The following FLNC variants were observed in gnomAD, a reference collection of about 807,000 sequenced individuals.
FLNC encodes filamin-C.
A neutral mutation model predicts 254.3 loss-of-function variants in FLNC; 91 were observed. The ratio of observed to expected loss-of-function variants is 0.36; its 90% CI spans 0.30 to 0.43. The LOEUF is 0.43. Among genes scored for constraint, FLNC ranks in the 20% least tolerant of loss-of-function variants. FLNC has a pLI of 1.00. For synonymous variants in FLNC, 1,430 were observed against 1,577.2 expected (o/e 0.91, Z 2.21); for missense variants, 2,853 against 3,802.6 (o/e 0.75, Z 6.57).
chr7:128,854,289 T>C, intron 40 of FLNC, 73 bp downstream of exon 40: 1 of 1,605,526 alleles, frequency 6.2e-7, no homozygotes, highest in Non-Finnish European at 8.5e-7. Context: ...GGCTTGATGC[T>C]GGCAGACTGG....
chr7:128,843,080 G>A, intron 16 of FLNC, 126 bp downstream of exon 16: 12 of 1,408,860 alleles, frequency 8.5e-6, no homozygotes, highest in Non-Finnish European at 1.2e-5. Context: ...CCTGTGTGAG[G>A]CAGGGTGCCT....
rs141199483 is a variant in FLNC, at chr7:128,844,941, G to A, written c.3476G>A (p.Arg1159Gln). Residue 1159 changes from arginine to glutamine, a missense_variant, in exon 21 of 48, where the codon CGG (arginine) becomes CAG (glutamine). Arg to Gln is a conservative substitution (Grantham distance 43, BLOSUM62 1). This residue lies in a region of FLNC where 1,573 missense variants were observed against 1,883.5 expected (regional missense o/e 0.84). Coordinates refer to ENST00000325888, the MANE Select transcript of FLNC (RefSeq NM_001458.5). ...IRPVFDPSKV[R>Q]ASGPGLERGK... ...CCTGTGTTTGACCCGAGCAAGGTGCGGGCCAGTGGACCGGGCCTGGAGCGC... is the reference window on the plus strand; with the variant it reads ...CCTGTGTTTGACCCGAGCAAGGTGCAGGCCAGTGGACCGGGCCTGGAGCGC... 74 of 1,613,866 alleles carry A rather than the reference G, an allele frequency of 4.6e-5. No individual in the cohort carries two copies. The highest frequency in any genetic ancestry group is 5.8e-5 in the Non-Finnish European group (68 of 1,180,034).
chr7:128,842,672 C>T lies in FLNC; in HGVS notation c.2363C>T (p.Thr788Met), dbSNP rs1010774264. ...GLKANEPTYF[T>M]VDCSEAGQGD... Reference sequence around the variant, plus strand: ...AAGGCCAATGAGCCCACCTACTTCACGGTGGACTGCAGCGAGGCGGGGCAA... The same window carrying T: ...AAGGCCAATGAGCCCACCTACTTCATGGTGGACTGCAGCGAGGCGGGGCAA... Residue 788 changes from threonine to methionine, a missense_variant, in exon 15 of 48, where the codon ACG becomes ATG. Thr to Met is a moderately conservative substitution (Grantham distance 81, BLOSUM62 -1). This residue lies in a region of FLNC where 1,573 missense variants were observed against 1,883.5 expected (regional missense o/e 0.84). Coordinates refer to ENST00000325888, the MANE Select transcript of FLNC (RefSeq NM_001458.5). The surrounding 1 kb of genome is among the most constrained non-coding windows in gnomAD (Gnocchi z 5.4). 1.4e-6 allele frequency: 2 copies of T among 1,451,358 alleles called. No individual in the cohort carries two copies. Among genetic ancestry groups the T allele is most frequent in the African/African-American group, 2.9e-5 (2 of 69,548 alleles). 89.9% of individuals were successfully genotyped at this position (1,451,358 alleles called of 1,614,324 possible).
At position 128,846,159 on chromosome 7, in the gene FLNC, G is replaced by A. The variant is rs200717144; in HGVS notation, c.3960G>A (p.Glu1320=). The A allele has an allele frequency of 1.4e-4, 224 of 1,613,978 alleles. No individual in the cohort carries two copies. The highest frequency in any genetic ancestry group is 8.3e-5 in the Admixed American group (5 of 59,998). ...ACCGAGTGCAGTACACCGCCTACGA[G>A]GAGGGTGAGGGCCGGTGGGCCAGGC... ...GTYRVQYTAY[E]EGVHLVEVLY... is the part of the protein sequence containing the mutation. The change falls in exon 22 of 48, where the codon GAG becomes GAA. Residue 1320 remains glutamate (E), a synonymous_variant. Transcript: ENST00000325888.
Position 128,840,691 on chromosome 7 carries a change from C to T in FLNC, c.1676+17C>T, listed in dbSNP as rs538523382. 1 of 1,614,162 alleles carries T rather than the reference C, an allele frequency of 6.2e-7. No homozygotes were observed. The highest frequency in any genetic ancestry group is 8.5e-7 in the Non-Finnish European group (1 of 1,180,028). The stretch of plus-strand genomic sequence containing the variant: ...CCCTCGCAGGTGAGTACCTTGCGCC[C>T]CCCATGCTGTCCTGTCTAGGCCATC... On this transcript the variant is annotated intron_variant, in intron 10 of 47. Transcript: ENST00000325888.
At position 128,852,906 on chromosome 7, in the gene FLNC, C is replaced by T; in HGVS notation, c.6083C>T (p.Pro2028Leu). Residue 2028 changes from proline (P) to leucine (L), a missense_variant, in exon 37 of 48, where the codon CCC becomes CTC. Physicochemically the swap from Pro to Leu is moderately conservative, Grantham distance 98 (BLOSUM62 -3). Coordinates refer to ENST00000325888, the MANE Select transcript of FLNC (RefSeq NM_001458.5). The part of the protein sequence containing the change: ...RKSGKHVTNS[P>L]FKILVGPSEI... ...AGTGGCAAGCATGTCACCAACAGCC[C>T]CTTCAAGATCCTGGTGGGGCCATCT... 6.2e-7 allele frequency: 1 copy of T among 1,613,672 alleles called. No individual in the cohort carries two copies. The highest frequency in any genetic ancestry group is 8.5e-7 in the Non-Finnish European group (1 of 1,180,016).
chr7:128,844,700 A>G lies in FLNC; in HGVS notation c.3235A>G (p.Thr1079Ala), dbSNP rs747053606. ...GGGTCTCAAGGGTGGACTGGTAGGCACCCCCGCGCCATTCTCCATCGACAC... is the reference window on the plus strand; with the variant it reads ...GGGTCTCAAGGGTGGACTGGTAGGCGCCCCCGCGCCATTCTCCATCGACAC... ...GPGLKGGLVG[T>A]PAPFSIDTKG... The change falls in exon 21 of 48, where the codon ACC becomes GCC. Residue 1079 changes from threonine (T) to alanine (A), a missense_variant. Coordinates refer to ENST00000325888, the MANE Select transcript of FLNC (RefSeq NM_001458.5). 4 of 1,613,160 alleles carry G rather than the reference A, an allele frequency of 2.5e-6. No homozygotes were observed. Among genetic ancestry groups the G allele is most frequent in the Non-Finnish European group, 3.4e-6 (4 of 1,179,958 alleles).
rs777992233 is a variant in FLNC at position 128,851,275 on chromosome 7, T to C, written c.5583T>C (p.His1861=). ...ATGTGGATGCCATCAACAGCCGCCA[T>C]GTCAGTGCCTATGGGCCAGGCCTGA... ...QFYVDAINSR[H]VSAYGPGLSH... Residue 1861 remains histidine (H), a synonymous_variant, in exon 34 of 48, where the codon CAT becomes CAC. Coordinates refer to ENST00000325888, the MANE Select transcript of FLNC (RefSeq NM_001458.5). 3 of 1,613,992 alleles carry C rather than the reference T, an allele frequency of 1.9e-6. No homozygotes were observed. The highest frequency in any genetic ancestry group is 3.3e-5 in the Admixed American group (2 of 60,010).
chr7:128,843,174 G>A (rs1808410564), intron 16 of FLNC, 55 bp from the exon 17 acceptor site: 1 of 1,502,334 alleles, frequency 6.7e-7, no homozygotes, highest in Non-Finnish European at 9.1e-7. Context: ...GCATCTAGCT[G>A]AGAGCAGGGG....
In FLNC at chr7:128,850,420, G is replaced by A; in HGVS notation, c.5335G>A (p.Glu1779Lys). The A allele has an allele frequency of 1.2e-6, 2 of 1,614,096 alleles. No individual in the cohort carries two copies. Among genetic ancestry groups the A allele is most frequent in the South Asian group, 2.2e-5 (2 of 91,078 alleles). ...EEPVVPVEPM[E>K]SMLRPFNLVI... Reference sequence around the variant, plus strand: ...GCCAGTGGTGCCTGTGGAGCCAATGGAGTCCATGCTGAGGCCCTTCAACCT... The same window carrying A: ...GCCAGTGGTGCCTGTGGAGCCAATGAAGTCCATGCTGAGGCCCTTCAACCT... Residue 1779 changes from glutamate to lysine, a missense_variant, in exon 32 of 48, where the codon GAG becomes AAG. Coordinates refer to ENST00000325888, the MANE Select transcript of FLNC (RefSeq NM_001458.5).
rs368602593 is a variant in FLNC, at chr7:128,837,552, T to C, written c.850+4T>C. The stretch of plus-strand genomic sequence containing the variant: ...AAAGCCATCGCCTATGGGCCTGGTA[T>C]GTGTGAGCCCCTGGCGGCCCTCCTG... On this transcript the variant is annotated splice_donor_region_variant and intron_variant, in intron 4 of 47. Coordinates refer to ENST00000325888, the MANE Select transcript of FLNC (RefSeq NM_001458.5). 3 of 1,613,980 alleles carry C rather than the reference T, an allele frequency of 1.9e-6. No homozygotes were observed. Among genetic ancestry groups the C allele is most frequent in the African/African-American group, 1.3e-5 (1 of 74,916 alleles).
At position 128,841,114 on chromosome 7, in the gene FLNC, G is replaced by A. The variant is rs1460330742; in HGVS notation, c.1814-56G>A. ...TGAGGGCAGCTAGAGGGGAGCTGGGGGACGGAAGGGTCTTGCCTGATGCTG... is the reference window on the plus strand; with the variant it reads ...TGAGGGCAGCTAGAGGGGAGCTGGGAGACGGAAGGGTCTTGCCTGATGCTG... On this transcript the variant is annotated intron_variant, in intron 11 of 47. Coordinates refer to ENST00000325888, the MANE Select transcript of FLNC (RefSeq NM_001458.5). This position sits in a 1 kb window ranked among gnomAD's most constrained non-coding sequence, Gnocchi z 4.3. 1.3e-5 allele frequency: 20 copies of A among 1,598,682 alleles called. No homozygotes were observed. The highest frequency in any genetic ancestry group is 1.5e-5 in the Non-Finnish European group (17 of 1,169,914).
Position 128,846,036 on chromosome 7 carries a change from C to T in FLNC, c.3837C>T (p.Ser1279=), listed in dbSNP as rs761100799. 1.4e-5 allele frequency: 22 copies of T among 1,613,824 alleles called. No individual in the cohort carries two copies. Among genetic ancestry groups the T allele is most frequent in the Non-Finnish European group, 1.8e-5 (21 of 1,180,020 alleles). Residue 1279 remains serine, a synonymous_variant, in exon 22 of 48, where the codon TCC becomes TCT. Transcript: ENST00000325888. ...CTGAGTTCACTGTGGATGCAAGATCCCTAACAGCCACAGGCGGCAACCACG... is the reference window on the plus strand; with the variant it reads ...CTGAGTTCACTGTGGATGCAAGATCTCTAACAGCCACAGGCGGCAACCACG... The part of the protein sequence containing the change: ...VTTEFTVDAR[S]LTATGGNHVT...
Position 128,841,072 on chromosome 7 carries a change from A to G in FLNC, c.1814-98A>G. ...GCGCATGCTGGGGAGCGCTGGGGTG[A>G]GCAGGGAGATAGGACATGAGGGCAG... is the stretch of plus-strand genomic sequence containing the variant. On this transcript the variant is annotated intron_variant, in intron 11 of 47. Transcript: ENST00000325888. This position sits in a 1 kb window ranked among gnomAD's most constrained non-coding sequence, Gnocchi z 4.3. The G allele has an allele frequency of 1.9e-6, 3 of 1,573,606 alleles. No individual in the cohort carries two copies. Among genetic ancestry groups the G allele is most frequent in the Non-Finnish European group, 2.6e-6 (3 of 1,150,278 alleles).
Position 128,857,936 on chromosome 7 carries a change from G to T in FLNC, c.7781-72G>T. The T allele has an allele frequency of 8.8e-7, 1 of 1,136,490 alleles. No individual in the cohort carries two copies. Among genetic ancestry groups the T allele is most frequent in the Non-Finnish European group, 1.3e-6 (1 of 779,634 alleles). The allele number at this position is 1,136,490 out of a possible 1,614,324, so 70.4% of individuals were successfully genotyped here. On this transcript the variant is annotated intron_variant, in intron 46 of 47. Transcript: ENST00000325888. This position sits in a 1 kb window ranked among gnomAD's most constrained non-coding sequence, Gnocchi z 4.5. ...GTCCCACAGGGTGGCAGTGCTGGCC[G>T]AGGGTCCCCTGCCTGGGGAAGAACA...
In FLNC at chr7:128,853,991, G is replaced by A. The variant is rs1249871639; in HGVS notation, c.6502G>A (p.Val2168Met). The A allele has an allele frequency of 1.2e-6, 2 of 1,613,210 alleles. No homozygotes were observed. The highest frequency in any genetic ancestry group is 1.7e-6 in the Non-Finnish European group (2 of 1,180,036). ...LKIPGNWFQMVSAQERLTRTF... is the reference protein window; with the variant it reads ...LKIPGNWFQMMSAQERLTRTF... ...CCACACAGGAAACTGGTTCCAGATG[G>A]TGTCTGCCCAGGAGCGCCTGACACG... is the stretch of plus-strand genomic sequence containing the variant. The change falls in exon 40 of 48, where the codon GTG (valine) becomes ATG (methionine). Residue 2168 changes from valine to methionine, a missense_variant. Val to Met is a conservative substitution (Grantham distance 21). Transcript: ENST00000325888.
chr7:128,830,477 GC>G lies in FLNC; in HGVS notation c.-159del. 1 of 646,136 alleles carries G rather than the reference GC, an allele frequency of 1.5e-6. No individual in the cohort carries two copies. The highest frequency in any genetic ancestry group is 2.7e-6 in the Non-Finnish European group (1 of 375,542). 40.0% of individuals were successfully genotyped at this position (646,136 alleles called of 1,614,324 possible). A position where few individuals can be genotyped will look rare whatever the true frequency, so the allele number is the denominator to read the frequency against. ...GAGCGGCCGAGCGCCTAGGAGGCCC[GC>G]CGAGCCTCGCCGAGCCCCGCCAGCC... On this transcript the variant is annotated 5_prime_UTR_variant, in exon 1 of 48. Coordinates refer to ENST00000325888, the MANE Select transcript of FLNC (RefSeq NM_001458.5).
intron 1 of FLNC, among the ~76,000 whole-genome samples, chr7:128,832,100 G>A (rs940542321): frequency 6.6e-6 from 1 of 152,172 alleles, no homozygotes; most frequent in Non-Finnish European, 1.5e-5. Flanking sequence ...ATGTCTGTCA[G>A]CCCCACTCTC....
In FLNC at chr7:128,856,048, C is replaced by T. The variant is rs1809040289; in HGVS notation, c.7252-470C>T. Among the ~76,000 whole-genome samples, 1 of 152,190 alleles carries T rather than the reference C, an allele frequency of 6.6e-6. No individual in the cohort carries two copies. The highest frequency in any genetic ancestry group is 1.5e-5 in the Non-Finnish European group (1 of 68,036). ...CTCCTCCCACTCCTGAACTGGGCTC[C>T]CCGATGCAGGCTCCAATCCCTCCCC... On this transcript the variant is annotated intron_variant, in intron 43 of 47. Transcript: ENST00000325888. The surrounding 1 kb of genome is among the most constrained non-coding windows in gnomAD (Gnocchi z 5.9).
Sources: allele counts gnomAD v4.1 joint callset (sites outside exome capture counted in the v4.1 genomes callset), GRCh38; gene constraint gnomAD v4.1.1; regional missense constraint gnomAD v4.1.1; non-coding constraint Gnocchi (gnomAD v3.1); transcripts MANE v1.5; gene names NCBI Gene and HGNC (gene_info 2026-07-23, HGNC 2026-07-21).